The following LHFPL3 variants were observed in gnomAD, a reference collection of about 807,000 sequenced individuals.
The protein encoded by LHFPL3 is LHFPL tetraspan subfamily member 3, also known as LHFPL tetraspan subfamily member 3 protein.
In LHFPL3, 5 loss-of-function variants were observed where a neutral mutation model predicts 19.3. The observed-to-expected ratio is 0.26, with a 90% CI of 0.14 to 0.54. LHFPL3 has a LOEUF of 0.54. Among genes scored for constraint, LHFPL3 ranks in the 20% least tolerant of loss-of-function variants. The pLI, the probability that LHFPL3 is intolerant of heterozygous loss-of-function variation, is 0.94. For synonymous variants in LHFPL3, 133 were observed against 126.2 expected (o/e 1.05, Z -0.36); for missense variants, 249 against 307.4 (o/e 0.81, Z 1.42).
At chr7:104,550,660 A>G (rs936478200) in intron 1 of LHFPL3, among the ~76,000 whole-genome samples, 7 of 152,134 alleles carry the variant, frequency 4.6e-5, no homozygotes, top group East Asian at 1.9e-4. Flanking sequence ...ATCCCAGTCA[A>G]TTGCGCATGT....
intron 1 of LHFPL3, among the ~76,000 whole-genome samples, chr7:104,667,270 G>A (rs1340975565): frequency 1.3e-5 from 2 of 151,766 alleles, no homozygotes; most frequent in African/African-American, 2.4e-5. Context: ...TTCTTGGGGG[G>A]GGGAATCTTT....
intron 2 of LHFPL3, among the ~76,000 whole-genome samples, chr7:104,854,985 G>A (rs576131979): frequency 7.0e-6 from 1 of 143,618 alleles, no homozygotes; most frequent in Admixed American, 7.3e-5. Context: ...ACCTCAGTAA[G>A]CTCTTTAGTC....
intron 1 of LHFPL3, among the ~76,000 whole-genome samples, chr7:104,438,309 C>A (rs751767679): frequency 2.6e-5 from 4 of 152,302 alleles, no homozygotes; most frequent in Non-Finnish European, 5.9e-5. Context: ...TCTCTGTAAT[C>A]TTACCTTGGA....
At chr7:104,715,457 AG>A (rs1442176259) in intron 1 of LHFPL3, among the ~76,000 whole-genome samples, 2 of 152,310 alleles carry the variant, frequency 1.3e-5, no homozygotes, top group African/African-American at 4.8e-5. Flanking sequence ...AAATAACAAG[AG>A]TGGTCATCCT....
intron 1 of LHFPL3, among the ~76,000 whole-genome samples, chr7:104,460,035 A>G (rs1018295843): frequency 2.6e-5 from 4 of 151,920 alleles, no homozygotes; most frequent in South Asian, 2.1e-4. Flanking sequence ...GTAGGCCCCA[A>G]TGTCTGTTGT....
At chr7:104,495,643 A>ACC (rs1793459198) in intron 1 of LHFPL3, among the ~76,000 whole-genome samples, 2 of 152,152 alleles carry the variant, frequency 1.3e-5, no homozygotes, top group Admixed American at 1.3e-4. Flanking sequence ...TTGGCCTCCC[A>ACC]AAGTGCTGGG....
chr7:104,667,446 C>T (rs1270985489), intron 1 of LHFPL3, among the ~76,000 whole-genome samples: 2 of 152,200 alleles, frequency 1.3e-5, no homozygotes, highest in African/African-American at 4.8e-5. Context: ...TCAAGGCTCA[C>T]ATCCCAGCGG....
chr7:104,720,024 GC>G (rs1394278915), intron 1 of LHFPL3, among the ~76,000 whole-genome samples: 2 of 152,112 alleles, frequency 1.3e-5, no homozygotes, highest in Non-Finnish European at 2.9e-5. Context: ...AACCAAAATA[GC>G]CCCTTTATTA....
intron 2 of LHFPL3, among the ~76,000 whole-genome samples, chr7:104,770,620 A>G (rs191698267): frequency 6.6e-6 from 1 of 152,326 alleles, no homozygotes; most frequent in East Asian, 1.9e-4. Context: ...AATGGTGAAT[A>G]TCTAACACTC....
At chr7:104,686,883 CCAGGAGAGAGAAGTA>C (rs1792815560) in intron 1 of LHFPL3, among the ~76,000 whole-genome samples, 1 of 152,160 alleles carries the variant, frequency 6.6e-6, no homozygotes, top group South Asian at 2.1e-4. Flanking sequence ...TCACATGTCA[CCAGGAGAGAGAAGTA>C]CAGAGTGAAG....
chr7:104,808,457 C>A (rs1790407928), intron 2 of LHFPL3, among the ~76,000 whole-genome samples: 2 of 152,138 alleles, frequency 1.3e-5, no homozygotes, highest in African/African-American at 4.8e-5. Flanking sequence ...CTACTTAGGG[C>A]CCAGCACTGG....
rs548396450 is a variant in LHFPL3 at position 104,902,853 on chromosome 7, G to A, written c.683-3334G>A. On this transcript the variant is annotated intron_variant, in intron 2 of 2. Coordinates refer to ENST00000424859, the MANE Select transcript of LHFPL3 (RefSeq NM_199000.3). ...AGGGATTTGGCCATATGAAGGCCAC[G>A]GGTGACCCAAGACCAGAGCAGATTC... 1.1e-4 allele frequency among the ~76,000 whole-genome samples: 17 copies of A among 152,264 alleles called. No individual in the cohort carries two copies. The East Asian group carries it at 2.9e-3, about 26-fold the overall frequency.
At chr7:104,663,834 G>A (rs1376629107) in intron 1 of LHFPL3, among the ~76,000 whole-genome samples, 4 of 152,048 alleles carry the variant, frequency 2.6e-5, no homozygotes, top group Admixed American at 2.6e-4. Flanking sequence ...TTTGGAGTTG[G>A]GTGCTCAACT....
rs1792662239 is a variant in LHFPL3 at position 104,908,481 on chromosome 7, G to A, written c.*2266G>A. Among the ~76,000 whole-genome samples the A allele has an allele frequency of 6.6e-6, 1 of 151,800 alleles. No homozygotes were observed. The stretch of plus-strand genomic sequence containing the variant: ...TGTGTGTAATTTTTTTAAGGTCCAA[G>A]AAATGTAAAGAAATTTGTTGGAATA... On this transcript the variant is annotated 3_prime_UTR_variant, in exon 3 of 3. Transcript: ENST00000424859.
At chr7:104,414,635 G>A (rs1791588104) in intron 1 of LHFPL3, among the ~76,000 whole-genome samples, 1 of 152,184 alleles carries the variant, frequency 6.6e-6, no homozygotes, top group African/African-American at 2.4e-5. Flanking sequence ...AATGTAAATT[G>A]ACTAGAGTAT....
At chr7:104,519,094 C>T (rs986172480) in intron 1 of LHFPL3, among the ~76,000 whole-genome samples, 3 of 152,142 alleles carry the variant, frequency 2.0e-5, no homozygotes, top group African/African-American at 7.2e-5. Flanking sequence ...TGTTCCCTCT[C>T]AATCTGACAT....
chr7:104,474,963 C>T (rs1226147771), intron 1 of LHFPL3, among the ~76,000 whole-genome samples: 1 of 152,128 alleles, frequency 6.6e-6, no homozygotes, highest in Non-Finnish European at 1.5e-5. Flanking sequence ...TGAAAGAAGA[C>T]TGAATCACAA....
chr7:104,523,435 T>A (rs79659676), intron 1 of LHFPL3, among the ~76,000 whole-genome samples: 1 of 152,152 alleles, frequency 6.6e-6, no homozygotes, highest in Non-Finnish European at 1.5e-5. Context: ...TCCCTTTACA[T>A]CTGTATCATA....
intron 1 of LHFPL3, among the ~76,000 whole-genome samples, chr7:104,595,896 C>A (rs1790842261): frequency 6.6e-6 from 1 of 152,244 alleles, no homozygotes; most frequent in Admixed American, 6.5e-5. Flanking sequence ...ACCTTGTCTG[C>A]CGGTTGCTAA....
Sources: allele counts gnomAD v4.1 joint callset (sites outside exome capture counted in the v4.1 genomes callset), GRCh38; gene constraint gnomAD v4.1.1; transcripts MANE v1.5; gene names NCBI Gene and HGNC (gene_info 2026-07-23, HGNC 2026-07-21).